The following ZC3H12B variants were observed in gnomAD, a reference collection of about 807,000 sequenced individuals.
ZC3H12B encodes zinc finger CCCH-type containing 12B, also known as probable ribonuclease ZC3H12B.
In ZC3H12B, 7 loss-of-function variants were observed where a neutral mutation model predicts 43.9. That is an observed-to-expected ratio of 0.16 (90% confidence interval 0.09 to 0.30). The LOEUF (loss-of-function observed/expected upper bound fraction) is 0.30. Ranked by LOEUF, ZC3H12B falls within the 10% of genes least tolerant of loss-of-function variation. The pLI, the probability that ZC3H12B is intolerant of heterozygous loss-of-function variation, is 1.00. For missense variants in ZC3H12B, 475 were observed against 670.2 expected (o/e 0.71, Z 3.22); for synonymous variants, 222 against 241.7 (o/e 0.92, Z 0.76).
At chrX:65,126,276 CTGA>C in the ZC3H12B span, among the ~76,000 whole-genome samples, 1 of 110,867 alleles carries the variant, frequency 9.0e-6, no homozygotes, top group Admixed American at 9.6e-5. Flanking sequence ...GAATTCTTGG[CTGA>C]TAATTGTTTT....
the ZC3H12B span, among the ~76,000 whole-genome samples, chrX:65,156,381 T>TTTG: frequency 6.7e-3 from 749 of 111,190 alleles, 3 homozygotes; most frequent in Admixed American, 0.01. Context: ...TTTTAAACTT[T>TTTG]TTGTTGTTGT....
At chrX:65,325,599 G>GA in the ZC3H12B span, among the ~76,000 whole-genome samples, 113 of 110,666 alleles carry the variant, frequency 1.0e-3, no homozygotes, top group Admixed American at 5.7e-3. Context: ...GAAAGAAATT[G>GA]AAAAAAATAA....
chrX:65,149,887 A>C, the ZC3H12B span, among the ~76,000 whole-genome samples: 1 of 109,484 alleles, frequency 9.1e-6, no homozygotes, highest in Non-Finnish European at 1.9e-5. Context: ...TAATGTTTAG[A>C]TCTTACTTAT....
the ZC3H12B span, among the ~76,000 whole-genome samples, chrX:65,092,462 G>C: frequency 9.0e-6 from 1 of 111,621 alleles, no homozygotes; most frequent in African/African-American, 3.3e-5. Context: ...TTGGTTAAAT[G>C]GTTGTATTCA....
At chrX:65,497,047 C>A in intron 1 of ZC3H12B, 85 bp from the exon 7 acceptor site, 1 of 787,195 alleles carries the variant, frequency 1.3e-6, no homozygotes, top group Non-Finnish European at 1.8e-6. Context: ...TTATTAATAC[C>A]TTGGTACTAA....
the ZC3H12B span, among the ~76,000 whole-genome samples, chrX:65,126,174 T>C: frequency 9.0e-6 from 1 of 110,502 alleles, no homozygotes. Flanking sequence ...CTTGTAGTGC[T>C]GGCTTGGTAG....
chrX:65,080,936 C>G, the ZC3H12B span, among the ~76,000 whole-genome samples: 156 of 108,802 alleles, frequency 1.4e-3, no homozygotes, highest in African/African-American at 5.0e-3. Flanking sequence ...AAGGCATAGA[C>G]AGTATAATAA....
At chrX:65,398,119 A>G (rs1014947969) in intron 2 of ZC3H12B, among the ~76,000 whole-genome samples, 2 of 111,967 alleles carry the variant, frequency 1.8e-5, no homozygotes, top group Admixed American at 1.9e-4. Flanking sequence ...AGAAATTAAA[A>G]AGTACACCAA....
chrX:65,163,008 C>T, the ZC3H12B span, among the ~76,000 whole-genome samples: 1 of 112,180 alleles, frequency 8.9e-6, no homozygotes, highest in Non-Finnish European at 1.9e-5. Context: ...AGCTGCAGGT[C>T]TGTTGGAGTT....
chrX:65,187,655 C>CT, the ZC3H12B span, among the ~76,000 whole-genome samples: 190 of 96,108 alleles, frequency 2.0e-3, no homozygotes, highest in East Asian at 4.8e-3. Flanking sequence ...ATTGATTTTA[C>CT]TTTTTTTTTT....
the ZC3H12B span, among the ~76,000 whole-genome samples, chrX:65,206,332 A>T: frequency 8.9e-6 from 1 of 112,151 alleles, no homozygotes; most frequent in Non-Finnish European, 1.9e-5. Flanking sequence ...ACAATGGAAC[A>T]GAATAGAGAA....
At chrX:65,490,379 G>GAAAAA (rs1032989325) in intron 1 of ZC3H12B, among the ~76,000 whole-genome samples, 8 of 54,979 alleles carry the variant, frequency 1.5e-4, no homozygotes, top group African/African-American at 4.8e-4. Flanking sequence ...ACTGTTTCAG[G>GAAAAA]AAAAAAAAAA....
chrX:65,127,857 G>T, the ZC3H12B span, among the ~76,000 whole-genome samples: 1 of 111,136 alleles, frequency 9.0e-6, no homozygotes, highest in Non-Finnish European at 1.9e-5. Flanking sequence ...CATTCCCAAA[G>T]GGCAGTCTCA....
At chrX:65,178,805 T>G in the ZC3H12B span, among the ~76,000 whole-genome samples, 1 of 112,101 alleles carries the variant, frequency 8.9e-6, no homozygotes, top group Non-Finnish European at 1.9e-5. Context: ...ACTTTTACAC[T>G]GTTGGTGGGA....
At chrX:65,281,710 G>A in the ZC3H12B span, among the ~76,000 whole-genome samples, 2 of 112,528 alleles carry the variant, frequency 1.8e-5, no homozygotes, top group African/African-American at 6.5e-5. Context: ...TAGCTGAAAT[G>A]TAAAACTGCT....
Position 65,505,012 on chromosome X carries a change from C to T in ZC3H12B, c.*1803C>T, listed in dbSNP as rs184613903. 33 of 112,395 alleles carry T rather than the reference C, an allele frequency of 2.9e-4. No individual in the cohort carries two copies. The East Asian group carries it at 7.2e-3, about 25-fold the overall frequency. The allele number at this position is 112,395 out of a possible 1,213,427, so 9.3% of individuals were successfully genotyped here. ...TAGAAGGCAGGACTTTTGGTTTGGG[C>T]GACACCATTTGCGCAACTTGTATCT... On this transcript the variant is annotated 3_prime_UTR_variant, in exon 5 of 5. Transcript: ENST00000338957.
chrX:65,458,341 G>C (rs1168590544), intron 3 of ZC3H12B, among the ~76,000 whole-genome samples: 1 of 110,925 alleles, frequency 9.0e-6, no homozygotes, highest in African/African-American at 3.3e-5. Context: ...ATTGAACTCA[G>C]CTCTGCACGA....
chrX:65,174,941 A>AAC, the ZC3H12B span, among the ~76,000 whole-genome samples: 1 of 107,899 alleles, frequency 9.3e-6, no homozygotes, highest in Non-Finnish European at 1.9e-5. Flanking sequence ...AAAACAAACA[A>AAC]AAAAAAAAAA....
chrX:65,093,469 C>T, the ZC3H12B span, among the ~76,000 whole-genome samples: 113 of 111,984 alleles, frequency 1.0e-3, 1 homozygote, highest in East Asian at 6.3e-3. Context: ...CCTTGAGAGC[C>T]GCTGTGTGGA....
Sources: allele counts gnomAD v4.1 joint callset (sites outside exome capture counted in the v4.1 genomes callset), GRCh38; gene constraint gnomAD v4.1.1; transcripts MANE v1.5; gene names NCBI Gene and HGNC (gene_info 2026-07-23, HGNC 2026-07-21).